GRB14: variants seen among roughly 807,000 people sequenced by gnomAD.
The protein encoded by GRB14 is growth factor receptor-bound protein 14.
Under a neutral mutation model 69.1 loss-of-function variants are expected in GRB14, and 38 were observed. The ratio of observed to expected loss-of-function variants is 0.55; its 90% CI spans 0.42 to 0.72. The LOEUF (loss-of-function observed/expected upper bound fraction) is 0.72, where lower values mean the gene tolerates loss of function less well. Among genes scored for constraint, GRB14 ranks in the 30% least tolerant of loss-of-function variants. GRB14 has a pLI of 0.00. For missense variants in GRB14, 666 were observed against 666.1 expected, an observed-to-expected ratio of 1.00 and a Z score of 0.00; for synonymous variants, 247 against 241.3, an observed-to-expected ratio of 1.02 and a Z score of -0.22.
intron 2 of GRB14, among the ~76,000 whole-genome samples, chr2:164,616,589 C>T (rs984868674): frequency 3.3e-5 from 5 of 152,114 alleles, no homozygotes; most frequent in Non-Finnish European, 7.3e-5. Context: ...CACTTTACCA[C>T]TCATGCATTA....
rs543532033 is a variant in GRB14 at position 164,573,421 on chromosome 2, T to C, written c.325-25605A>G. ...AGTCTTCTTTACAGGAAAATGTAGA[T>C]ATTCTTTCACTATCTGACACAGCTC... On this transcript the variant is annotated intron_variant, in intron 2 of 13. Transcript: ENST00000263915. 2.0e-5 allele frequency among the ~76,000 whole-genome samples: 3 copies of C among 152,330 alleles called. No individual in the cohort carries two copies. In the South Asian group the frequency reaches 6.2e-4, roughly 32 times the overall value.
At chr2:164,533,224 C>CTTTT (rs537913705) in intron 3 of GRB14, among the ~76,000 whole-genome samples, 17 of 80,346 alleles carry the variant, frequency 2.1e-4, no homozygotes, top group Non-Finnish European at 2.8e-4. Flanking sequence ...GTTTCCAATT[C>CTTTT]TTTTTTTTTT....
intron 6 of GRB14, among the ~76,000 whole-genome samples, chr2:164,519,928 A>C (rs1397174075): frequency 6.6e-6 from 1 of 152,096 alleles, no homozygotes; most frequent in Non-Finnish European, 1.5e-5. Context: ...TTTGAAAATG[A>C]CCATACTGCC....
intron 2 of GRB14, among the ~76,000 whole-genome samples, chr2:164,560,530 T>C (rs1688795764): frequency 6.6e-6 from 1 of 152,152 alleles, no homozygotes; most frequent in Non-Finnish European, 1.5e-5. Context: ...TCAGAATTAG[T>C]AAATATTTGA....
rs199902676 is a variant in GRB14, at chr2:164,508,485, C to T, written c.993G>A (p.Thr331=). The T allele has an allele frequency of 1.5e-4, 245 of 1,614,090 alleles. 1 individual carries two copies. In the South Asian group the frequency reaches 1.8e-3, roughly 12 times the overall value. ...MLCAEEEQSR[T]CWVTAIRLLK... is the part of the protein sequence containing the mutation. ...GCAATCTAATCGCGGTCACCCAGCA[C>T]GTCCTACTCTGCTCTTCTTCTGCAC... The change falls in exon 8 of 14, where the codon ACG becomes ACA. Residue 331 remains threonine (T), a synonymous_variant. Transcript: ENST00000263915.
intron 3 of GRB14, among the ~76,000 whole-genome samples, chr2:164,532,493 G>C (rs1260145859): frequency 6.6e-6 from 1 of 152,174 alleles, no homozygotes; most frequent in Non-Finnish European, 1.5e-5. Context: ...TTAAATTAAG[G>C]ATGTTGAAAT....
At chr2:164,544,090 T>G (rs1160476263) in intron 3 of GRB14, among the ~76,000 whole-genome samples, 1 of 152,238 alleles carries the variant, frequency 6.6e-6, no homozygotes, top group Non-Finnish European at 1.5e-5. Flanking sequence ...AGCTTTGGTC[T>G]AATGCATGGT....
At chr2:164,589,071 G>A (rs749100997) in intron 2 of GRB14, among the ~76,000 whole-genome samples, 1 of 152,108 alleles carries the variant, frequency 6.6e-6, no homozygotes, top group Admixed American at 6.6e-5. Flanking sequence ...TGTATTTTTT[G>A]TAGGTTGAAT....
At chr2:164,568,464 G>C (rs1433768699) in intron 2 of GRB14, 2 of 1,190,522 alleles carry the variant, frequency 1.7e-6, no homozygotes, top group Non-Finnish European at 2.1e-6. Context: ...GAATCTCAGG[G>C]CTCAGTGCAA....
intron 2 of GRB14, among the ~76,000 whole-genome samples, chr2:164,608,068 C>T (rs1690081675): frequency 6.6e-6 from 1 of 152,108 alleles, no homozygotes; most frequent in East Asian, 1.9e-4. Flanking sequence ...CTTTACTTTT[C>T]AATTCAAATT....
chr2:164,600,775 A>T (rs1689896015), intron 2 of GRB14, among the ~76,000 whole-genome samples: 1 of 152,180 alleles, frequency 6.6e-6, no homozygotes, highest in African/African-American at 2.4e-5. Flanking sequence ...TTCTTTTTTT[A>T]AATGGAATTT....
intron 2 of GRB14, among the ~76,000 whole-genome samples, chr2:164,609,357 A>G (rs950340887): frequency 2.0e-5 from 3 of 152,184 alleles, no homozygotes; most frequent in Non-Finnish European, 4.4e-5. Flanking sequence ...TACGGGATCA[A>G]CTGGACCTTT....
intron 2 of GRB14, 60 bp from the exon 3 acceptor site, chr2:164,547,876 T>G: frequency 8.2e-7 from 1 of 1,216,558 alleles, no homozygotes; most frequent in Non-Finnish European, 1.2e-6. Flanking sequence ...TTTAATAAAT[T>G]TTATTGTATA....
At chr2:164,498,911 T>C (rs1236244057) in intron 9 of GRB14, among the ~76,000 whole-genome samples, 1 of 152,176 alleles carries the variant, frequency 6.6e-6, no homozygotes, top group East Asian at 1.9e-4. Context: ...CTTTCATTTG[T>C]TACAGGAGCC....
rs181519829 is a variant in GRB14 at position 164,526,879 on chromosome 2, T to G, written c.603+135A>C. The G allele has an allele frequency of 5.5e-5, 24 of 436,800 alleles. No homozygotes were observed. In the South Asian group the frequency reaches 9.8e-4, roughly 18 times the overall value. The allele number at this position is 436,800 out of a possible 1,614,324, so 27.1% of individuals were successfully genotyped here. ...ATTGTTAGCATAAGAAATATGGGTATAATTTCAAAGGACCAGAGTCTTCAT... is the reference window on the plus strand; with the variant it reads ...ATTGTTAGCATAAGAAATATGGGTAGAATTTCAAAGGACCAGAGTCTTCAT... On this transcript the variant is annotated intron_variant, in intron 4 of 13. Coordinates refer to ENST00000263915, the MANE Select transcript of GRB14 (RefSeq NM_004490.3).
In GRB14 at chr2:164,619,654, G is replaced by A. The variant is rs112683916; in HGVS notation, c.324+33C>T. 281 of 1,504,150 alleles carry A rather than the reference G, an allele frequency of 1.9e-4. No homozygotes were observed. The African/African-American group carries it at 3.5e-3, about 19-fold the overall frequency. The allele number at this position is 1,504,150 out of a possible 1,614,324, so 93.2% of individuals were successfully genotyped here. A position where few individuals can be genotyped will look rare whatever the true frequency, so the allele number is the denominator to read the frequency against. On this transcript the variant is annotated intron_variant, in intron 2 of 13. Transcript: ENST00000263915. ...GACTGTATGGATTCAGAACTCCTAAGATTTTTGAAATTTAAAATTTAAAAA... is the reference window on the plus strand; with the variant it reads ...GACTGTATGGATTCAGAACTCCTAAAATTTTTGAAATTTAAAATTTAAAAA...
chr2:164,567,048 T>C (rs1256749912), intron 2 of GRB14, among the ~76,000 whole-genome samples: 3 of 152,158 alleles, frequency 2.0e-5, no homozygotes, highest in African/African-American at 7.2e-5. Flanking sequence ...GAACATAGAC[T>C]TGATAAATGT....
At position 164,590,625 on chromosome 2, in the gene GRB14, C is replaced by T. The variant is rs1689638983; in HGVS notation, c.324+29062G>A. ...TGATATTCAGTTTATGCTTTATATACAGCACATAGCACCCTGACACTGGAG... is the reference window on the plus strand; with the variant it reads ...TGATATTCAGTTTATGCTTTATATATAGCACATAGCACCCTGACACTGGAG... On this transcript the variant is annotated intron_variant, in intron 2 of 13. Coordinates refer to ENST00000263915, the MANE Select transcript of GRB14 (RefSeq NM_004490.3). 3.9e-5 allele frequency among the ~76,000 whole-genome samples: 6 copies of T among 152,296 alleles called. No homozygotes were observed. The South Asian group carries it at 1.2e-3, about 32-fold the overall frequency.
intron 2 of GRB14, among the ~76,000 whole-genome samples, chr2:164,586,308 A>G (rs1361492268): frequency 1.3e-5 from 2 of 152,200 alleles, no homozygotes. Flanking sequence ...TTTCCTGGAC[A>G]ACTCAAAAAT....
Sources: gnomAD v4.1 joint callset for allele counts (sites outside exome capture counted in the v4.1 genomes callset) on GRCh38, gnomAD v4.1.1 for gene constraint, MANE v1.5 for transcripts, NCBI Gene and HGNC (gene_info 2026-07-23, HGNC 2026-07-21) for gene names.